Variants in JAK3 observed in about 807,000 individuals in gnomAD.
The protein encoded by JAK3 is tyrosine-protein kinase JAK3.
A neutral mutation model predicts 120.8 loss-of-function variants in JAK3; 88 were observed. The ratio of observed to expected loss-of-function variants is 0.73; its 90% CI spans 0.61 to 0.87. The LOEUF is 0.87. Ranked by LOEUF, JAK3 falls within the 40% of genes least tolerant of loss-of-function variation. JAK3 has a pLI of 0.00. For missense variants in JAK3, 1,254 were observed against 1,501.4 expected (o/e 0.84, Z 2.72); for synonymous variants, 592 against 628.6 (o/e 0.94, Z 0.87).
At chr19:17,839,883 G>A (rs746356434) in intron 9 of JAK3, among the ~76,000 whole-genome samples, 34 of 151,876 alleles carry the variant, frequency 2.2e-4, no homozygotes, top group Non-Finnish European at 4.1e-4. Flanking sequence ...TGGGACTACA[G>A]ATGCCCACTA....
intron 22 of JAK3, 37 bp from the exon 23 acceptor site, chr19:17,830,255 G>A (rs2094211365): frequency 1.4e-6 from 2 of 1,459,054 alleles, no homozygotes; most frequent in Non-Finnish European, 1.9e-6. Context: ...TGGGGGAGGA[G>A]CCTCCGTGGG....
At position 17,842,825 on chromosome 19, in the gene JAK3, G is replaced by A; in HGVS notation, c.566+202C>T. 2.3e-6 allele frequency: 2 copies of A among 862,030 alleles called. No individual in the cohort carries two copies. Among genetic ancestry groups the A allele is most frequent in the Non-Finnish European group, 3.6e-6 (2 of 553,744 alleles). The allele number at this position is 862,030 out of a possible 1,614,324, so 53.4% of individuals were successfully genotyped here. On this transcript the variant is annotated intron_variant, in intron 5 of 23. Coordinates refer to ENST00000458235, the MANE Select transcript of JAK3 (RefSeq NM_000215.4). The surrounding 1 kb of genome is among the most constrained non-coding windows in gnomAD (Gnocchi z 6.4). Reference sequence around the variant, plus strand: ...CACAGGTCGGACAGGGACCCCACAGGCCTTTTAGCTGGGGGAGGTCAGGTG... The same window carrying A: ...CACAGGTCGGACAGGGACCCCACAGACCTTTTAGCTGGGGGAGGTCAGGTG...
At chr19:17,840,019 G>A (rs980569485) in intron 9 of JAK3, among the ~76,000 whole-genome samples, 3 of 152,180 alleles carry the variant, frequency 2.0e-5, no homozygotes, top group South Asian at 4.1e-4. Context: ...GATTACAGGC[G>A]TAAGCCACTG....
rs71164315 is a variant in JAK3, at chr19:17,839,738, C to CT, written c.1255-76dup. The CT allele has an allele frequency of 0.11, 86,119 of 777,680 alleles. 439 individuals carry two copies. The highest frequency in any genetic ancestry group is 0.12 in the Non-Finnish European group (63,604 of 514,052). The allele number at this position is 777,680 out of a possible 1,614,324, so 48.2% of individuals were successfully genotyped here. A position where few individuals can be genotyped will look rare whatever the true frequency, so the allele number is the denominator to read the frequency against. ...TTCTCAGTCCTTCTTCCTTTTTTTT[C>CT]TTTTTTTTTTTTTTTTTTTGGAGAC... On this transcript the variant is annotated intron_variant, in intron 9 of 23. Coordinates refer to ENST00000458235, the MANE Select transcript of JAK3 (RefSeq NM_000215.4).
At chr19:17,844,747 A>C (rs1435728892) in intron 1 of JAK3, among the ~76,000 whole-genome samples, 1 of 150,574 alleles carries the variant, frequency 6.6e-6, no homozygotes, top group Non-Finnish European at 1.5e-5. Context: ...CAGTGAGCCA[A>C]GATTGTACCA....
At chr19:17,844,908 C>G (rs532047223) in intron 1 of JAK3, among the ~76,000 whole-genome samples, 1 of 152,210 alleles carries the variant, frequency 6.6e-6, no homozygotes, top group East Asian at 1.9e-4. Flanking sequence ...CTCCCACCCG[C>G]TCGCTCACTT....
Position 17,826,640 on chromosome 19 carries a change from G to T in JAK3, c.*103C>A. On this transcript the variant is annotated 3_prime_UTR_variant, in exon 24 of 24. Transcript: ENST00000458235. ...ATGTCATGGGGGTGTTCCTGAAGTA[G>T]AGGACCCTCATAAGGCCTCTGAGGC... The T allele has an allele frequency of 3.2e-6, 4 of 1,266,296 alleles. No individual in the cohort carries two copies. The highest frequency in any genetic ancestry group is 4.6e-6 in the Non-Finnish European group (4 of 863,870). 78.4% of individuals were successfully genotyped at this position (1,266,296 alleles called of 1,614,324 possible). A position where few individuals can be genotyped will look rare whatever the true frequency, so the allele number is the denominator to read the frequency against.
Position 17,835,810 on chromosome 19 carries a change from C to T in JAK3, c.1914+114G>A. 2.1e-6 allele frequency: 3 copies of T among 1,396,000 alleles called. No individual in the cohort carries two copies. In the South Asian group the frequency reaches 3.7e-5, roughly 17 times the overall value. The allele number at this position is 1,396,000 out of a possible 1,614,324, so 86.5% of individuals were successfully genotyped here. A position where few individuals can be genotyped will look rare whatever the true frequency, so the allele number is the denominator to read the frequency against. ...CAACCTGAACCTAAAATGCCCTCCC[C>T]TCGAACCCTTACCAAACTCCTATGC... is the stretch of plus-strand genomic sequence containing the variant. On this transcript the variant is annotated intron_variant, in intron 14 of 23. Coordinates refer to ENST00000458235, the MANE Select transcript of JAK3 (RefSeq NM_000215.4).
At chr19:17,828,060 C>T (rs2094207336) in intron 23 of JAK3, among the ~76,000 whole-genome samples, 1 of 152,048 alleles carries the variant, frequency 6.6e-6, no homozygotes, top group South Asian at 2.1e-4. Flanking sequence ...AGGCCTTTTT[C>T]CCTTCCGTGT....
Position 17,827,117 on chromosome 19 carries a change from T to G in JAK3, c.3208-207A>C, listed in dbSNP as rs3212796. Reference sequence around the variant, plus strand: ...GCCTCAGCCTCCTGAGTAGCTGGGATTATAGGCACGTGCCACCACGCCTGG... The same window carrying G: ...GCCTCAGCCTCCTGAGTAGCTGGGAGTATAGGCACGTGCCACCACGCCTGG... On this transcript the variant is annotated intron_variant, in intron 23 of 23. Coordinates refer to ENST00000458235, the MANE Select transcript of JAK3 (RefSeq NM_000215.4). Among the ~76,000 whole-genome samples the G allele has an allele frequency of 4.2e-3, 644 of 151,844 alleles. 6 individuals carry two copies. The highest frequency in any genetic ancestry group is 0.015 in the African/African-American group (613 of 41,390).
intron 23 of JAK3, chr19:17,829,727 G>C (rs1354194223): frequency 2.6e-6 from 1 of 379,598 alleles, no homozygotes; most frequent in Non-Finnish European, 4.8e-6. Flanking sequence ...ACCCCAGCCT[G>C]GGCAACAGAG....
intron 23 of JAK3, chr19:17,829,774 A>AG: frequency 2.2e-6 from 1 of 462,772 alleles, no homozygotes; most frequent in South Asian, 4.6e-5. Context: ...AAAGAAAGAA[A>AG]AAAAAAAACC....
At chr19:17,838,746 C>T (rs1241696036) in intron 10 of JAK3, among the ~76,000 whole-genome samples, 8 of 133,494 alleles carry the variant, frequency 6.0e-5, no homozygotes, top group Admixed American at 8.2e-5. Context: ...GACAGAGTCT[C>T]GCTCTGTCAC....
chr19:17,832,576 G>A lies in JAK3; in HGVS notation c.2623C>T (p.Leu875Phe). 1 of 1,614,232 alleles carries A rather than the reference G, an allele frequency of 6.2e-7. No homozygotes were observed. Among genetic ancestry groups the A allele is most frequent in the Non-Finnish European group, 8.5e-7 (1 of 1,180,054 alleles). The stretch of plus-strand genomic sequence containing the variant: ...ATGAAATCACTGTGCAGTGCTTTGA[G>A]GATCTGAATCTCCCGCTGAAAGTCC... ...QRDFQREIQI[L>F]KALHSDFIVK... Residue 875 changes from leucine (L) to phenylalanine (F), a missense_variant, in exon 19 of 24, where the codon CTC becomes TTC. Coordinates refer to ENST00000458235, the MANE Select transcript of JAK3 (RefSeq NM_000215.4). This position sits in a 1 kb window ranked among gnomAD's most constrained non-coding sequence, Gnocchi z 4.7.
At position 17,834,910 on chromosome 19, in the gene JAK3, G is replaced by A. The variant is rs140655992; in HGVS notation, c.2141C>T (p.Thr714Met). 4.1e-5 allele frequency: 66 copies of A among 1,614,034 alleles called. No individual in the cohort carries two copies. The highest frequency in any genetic ancestry group is 5.5e-5 in the Non-Finnish European group (65 of 1,180,026). The change falls in exon 16 of 24, where the codon ACG becomes ATG. Residue 714 changes from threonine to methionine, a missense_variant. Around this residue, in one of 3 missense-constraint regions of JAK3, gnomAD observed 630 missense variants for 819.8 expected, o/e 0.77. Transcript: ENST00000458235. ...LEADKWGFGA[T>M]VWEVFSGVTM... ...GACGCCACTAAACACTTCCCAGACC[G>A]TGGCGCCGAAGCCCCACTTGTCAGC...
At chr19:17,827,988 G>C (rs546307715) in intron 23 of JAK3, among the ~76,000 whole-genome samples, 1 of 151,424 alleles carries the variant, frequency 6.6e-6, no homozygotes, top group East Asian at 1.9e-4. Flanking sequence ...CATTTGTTCC[G>C]GGCAGTCACA....
Position 17,825,208 on chromosome 19 carries a change from C to T in JAK3, c.*1535G>A, listed in dbSNP as rs902808842. On this transcript the variant is annotated 3_prime_UTR_variant, in exon 24 of 24. Transcript: ENST00000458235. The stretch of plus-strand genomic sequence containing the variant: ...GGAAAGGAACTTGCCCACTGTCACA[C>T]TGCATGGAAGGGGCAAAACTGTAGG... 5.7e-5 allele frequency: 13 copies of T among 229,608 alleles called. No homozygotes were observed. Among genetic ancestry groups the T allele is most frequent in the South Asian group, 1.8e-4 (1 of 5,504 alleles). 14.2% of individuals were successfully genotyped at this position (229,608 alleles called of 1,614,324 possible). A position where few individuals can be genotyped will look rare whatever the true frequency, so the allele number is the denominator to read the frequency against.
intron 23 of JAK3, chr19:17,829,872 C>G (rs955840177): frequency 3.3e-6 from 2 of 600,326 alleles, no homozygotes; most frequent in African/African-American, 3.7e-5. Context: ...GGAGTCTAAT[C>G]TTCCCTCACC....
At position 17,826,622 on chromosome 19, in the gene JAK3, G is replaced by T. The variant is rs1699886237; in HGVS notation, c.*121C>A. Reference sequence around the variant, plus strand: ...GGAGCCCCCCCAAATGCAATGTCATGGGGGTGTTCCTGAAGTAGAGGACCC... The same window carrying T: ...GGAGCCCCCCCAAATGCAATGTCATTGGGGTGTTCCTGAAGTAGAGGACCC... On this transcript the variant is annotated 3_prime_UTR_variant, in exon 24 of 24. Transcript: ENST00000458235. 2.8e-6 allele frequency: 3 copies of T among 1,072,030 alleles called. No individual in the cohort carries two copies. The highest frequency in any genetic ancestry group is 4.4e-6 in the Non-Finnish European group (3 of 688,046). 66.4% of individuals were successfully genotyped at this position (1,072,030 alleles called of 1,614,324 possible).
Sources: allele counts gnomAD v4.1 joint callset (sites outside exome capture counted in the v4.1 genomes callset), GRCh38; gene constraint gnomAD v4.1.1; regional missense constraint gnomAD v4.1.1; non-coding constraint Gnocchi (gnomAD v3.1); transcripts MANE v1.5; gene names NCBI Gene and HGNC (gene_info 2026-07-23, HGNC 2026-07-21).